ST3GAL3: variants seen among roughly 807,000 people sequenced by gnomAD.
The protein encoded by ST3GAL3 is CMP-N-acetylneuraminate-beta-1,4-galactoside alpha-2,3-sialyltransferase.
ST3GAL3 carries 21 observed loss-of-function variants against 50.1 expected under a neutral mutation model. The ratio of observed to expected loss-of-function variants is 0.42; its 90% CI spans 0.30 to 0.60. The LOEUF (loss-of-function observed/expected upper bound fraction) is 0.60. Ranked by LOEUF, ST3GAL3 falls within the 20% of genes least tolerant of loss-of-function variation. ST3GAL3 has a pLI of 0.19. For missense variants in ST3GAL3, 353 were observed against 489.4 expected (o/e 0.72, Z 2.63); for synonymous variants, 183 against 190.0 (o/e 0.96, Z 0.30).
chr1:43,781,068 T>G (rs1256856818), intron 2 of ST3GAL3, among the ~76,000 whole-genome samples: 1 of 152,196 alleles, frequency 6.6e-6, no homozygotes, highest in Non-Finnish European at 1.5e-5. Flanking sequence ...AGTTCAACTT[T>G]TCCCACTACC....
intron 5 of ST3GAL3, among the ~76,000 whole-genome samples, chr1:43,854,227 A>G (rs1161245836): frequency 2.6e-5 from 4 of 152,172 alleles, no homozygotes; most frequent in Non-Finnish European, 4.4e-5. Flanking sequence ...GACTTGCTAC[A>G]GTTACCTTCT....
intron 2 of ST3GAL3, among the ~76,000 whole-genome samples, chr1:43,766,266 T>G (rs914935539): frequency 3.3e-5 from 5 of 152,120 alleles, no homozygotes; most frequent in African/African-American, 1.2e-4. Context: ...TTACTCAGCT[T>G]TATTCCAGGC....
chr1:43,817,612 T>TCCTC (rs1553351199), intron 4 of ST3GAL3, among the ~76,000 whole-genome samples: 6 of 130,062 alleles, frequency 4.6e-5, no homozygotes, highest in Admixed American at 7.6e-5. Flanking sequence ...CTCCTTCTCC[T>TCCTC]CCTTCTCCTC....
At chr1:43,872,524 A>G (rs947635042) in intron 5 of ST3GAL3, among the ~76,000 whole-genome samples, 2 of 152,026 alleles carry the variant, frequency 1.3e-5, no homozygotes, top group Non-Finnish European at 2.9e-5. Flanking sequence ...ACTGACAGTC[A>G]TTGAGCAACA....
intron 9 of ST3GAL3, chr1:43,914,558 T>C (rs929753438): frequency 2.6e-5 from 4 of 152,178 alleles, no homozygotes; most frequent in African/African-American, 7.2e-5. Context: ...CTTGAACGTA[T>C]CGTGTCGTAT....
At chr1:43,801,130 C>G (rs555759514) in intron 3 of ST3GAL3, among the ~76,000 whole-genome samples, 2 of 152,148 alleles carry the variant, frequency 1.3e-5, no homozygotes, top group Non-Finnish European at 2.9e-5. Context: ...ATTCGAAGCA[C>G]GGCAATTTCT....
intron 2 of ST3GAL3, among the ~76,000 whole-genome samples, chr1:43,745,613 T>C (rs1419829709): frequency 6.6e-6 from 1 of 152,214 alleles, no homozygotes; most frequent in African/African-American, 2.4e-5. Flanking sequence ...TTACTGTAGC[T>C]TTTCTATGTT....
intron 1 of ST3GAL3, among the ~76,000 whole-genome samples, chr1:43,725,751 A>T (rs1229034985): frequency 6.6e-6 from 1 of 152,072 alleles, no homozygotes. Flanking sequence ...GTCTTAAGTG[A>T]TCCTCCCACC....
chr1:43,862,697 C>T (rs1156607550), intron 5 of ST3GAL3, among the ~76,000 whole-genome samples: 1 of 147,160 alleles, frequency 6.8e-6, no homozygotes, highest in African/African-American at 2.5e-5. Context: ...CACTTGAGCC[C>T]AGGAGTTTGA....
chr1:43,911,590 T>TATCTGTAGCTATAGATATCTATAGAC (rs1557495945), intron 9 of ST3GAL3, among the ~76,000 whole-genome samples: 2,243 of 133,954 alleles, frequency 0.017, 1 homozygote, highest in South Asian at 0.042. Flanking sequence ...TATCTATAGA[T>TATCTGTAGCTATAGATATCTATAGAC]ATATCTGTAG....
chr1:43,707,997 G>T (rs1662309770), intron 1 of ST3GAL3: 1 of 152,306 alleles, frequency 6.6e-6, no homozygotes, highest in African/African-American at 2.4e-5. Flanking sequence ...GCACCTTGGC[G>T]CAGAGCACGG....
intron 2 of ST3GAL3, among the ~76,000 whole-genome samples, chr1:43,778,812 A>AT (rs559346838): frequency 3.8e-4 from 57 of 150,744 alleles, no homozygotes; most frequent in Non-Finnish European, 6.9e-4. Flanking sequence ...CGCCCGGCTA[A>AT]TTTTTTTTGT....
intron 2 of ST3GAL3, among the ~76,000 whole-genome samples, chr1:43,740,610 G>A (rs1156830035): frequency 2.0e-5 from 3 of 151,978 alleles, no homozygotes; most frequent in African/African-American, 7.3e-5. Context: ...TTTGAGACCA[G>A]CCTGGGTAAT....
At chr1:43,862,382 A>G (rs1439029402) in intron 5 of ST3GAL3, among the ~76,000 whole-genome samples, 1 of 151,972 alleles carries the variant, frequency 6.6e-6, no homozygotes, top group African/African-American at 2.4e-5. Context: ...TCTAATTTTT[A>G]CCTCTATCTT....
chr1:43,885,377 G>A (rs570813963), intron 5 of ST3GAL3, among the ~76,000 whole-genome samples: 1 of 152,258 alleles, frequency 6.6e-6, no homozygotes, highest in African/African-American at 2.4e-5. Flanking sequence ...CTCCTTCCCC[G>A]GGTCCTTCTC....
chr1:43,851,515 C>T lies in ST3GAL3; in HGVS notation c.302+13204C>T, dbSNP rs1479097033. 13 of 1,598,136 alleles carry T rather than the reference C, an allele frequency of 8.1e-6. No homozygotes were observed. In the Admixed American group the frequency reaches 1.7e-4, roughly 21 times the overall value. ...TAGTATCTCTGGCCCGGGTACCCCT[C>T]AGAGTATTTGTTATTTAAGCAAGAG... On this transcript the variant is annotated intron_variant, in intron 5 of 11. Transcript: ENST00000347631.
intron 3 of ST3GAL3, among the ~76,000 whole-genome samples, chr1:43,798,901 T>C (rs1299603160): frequency 7.2e-5 from 11 of 152,114 alleles, no homozygotes; most frequent in Admixed American, 7.2e-4. Context: ...GAATAGAAAA[T>C]TAGGAACAAC....
intron 3 of ST3GAL3, among the ~76,000 whole-genome samples, chr1:43,812,749 G>A (rs2060709008): frequency 6.6e-6 from 1 of 152,212 alleles, no homozygotes; most frequent in Non-Finnish European, 1.5e-5. Context: ...ACAGGTGTGA[G>A]GCACTGTGTC....
chr1:43,882,144 T>A (rs759494242), intron 5 of ST3GAL3, among the ~76,000 whole-genome samples: 93 of 152,334 alleles, frequency 6.1e-4, no homozygotes, highest in Non-Finnish European at 2.8e-4. Context: ...CAGCCCTGTG[T>A]GGCTCAGGGA....
Sources: gnomAD v4.1 joint callset for allele counts (sites outside exome capture counted in the v4.1 genomes callset) on GRCh38, gnomAD v4.1.1 for gene constraint, MANE v1.5 for transcripts, NCBI Gene and HGNC (gene_info 2026-07-23, HGNC 2026-07-21) for gene names.